Variants in SCLT1 observed in about 807,000 individuals in gnomAD.
SCLT1 encodes sodium channel-associated protein 1.
SCLT1 carries 78 observed loss-of-function variants against 112.8 expected under a neutral mutation model. The observed-to-expected ratio is 0.69, with a 90% CI of 0.58 to 0.83. SCLT1 has a LOEUF of 0.83. SCLT1 is among the 40% of genes least tolerant of loss of function. The pLI is 0.00. For synonymous variants in SCLT1, 257 were observed against 254.7 expected, an observed-to-expected ratio of 1.01 and a Z score of -0.09; for missense variants, 747 against 770.4, an observed-to-expected ratio of 0.97 and a Z score of 0.36.
chr4:129,016,803 CTTATAAGTTTTTCACAGATTCCAAT>C (rs1745032692), intron 5 of SCLT1, among the ~76,000 whole-genome samples: 1 of 152,106 alleles, frequency 6.6e-6, no homozygotes, highest in Admixed American at 6.6e-5. Context: ...TGGCCTTTGC[CTTATAAGTTTTTCACAGATTCCAAT>C]TTCTTTAAAC....
intron 9 of SCLT1, among the ~76,000 whole-genome samples, chr4:128,981,058 T>G (rs1478478022): frequency 6.6e-6 from 1 of 152,178 alleles, no homozygotes; most frequent in Non-Finnish European, 1.5e-5. Context: ...TCTAGTACTG[T>G]GCTAGATGAT....
At chr4:128,970,260 A>G (rs1740576321) in intron 10 of SCLT1, 118 bp downstream of exon 10, 1 of 658,656 alleles carries the variant, frequency 1.5e-6, no homozygotes, top group African/African-American at 1.8e-5. Context: ...TTTTAAGGGT[A>G]TTAAAATAAT....
At chr4:128,914,729 C>A (rs926630967) in intron 18 of SCLT1, among the ~76,000 whole-genome samples, 1 of 152,052 alleles carries the variant, frequency 6.6e-6, no homozygotes, top group Non-Finnish European at 1.5e-5. Context: ...ACATTTAGGT[C>A]ATTCTATGGA....
intron 17 of SCLT1, among the ~76,000 whole-genome samples, chr4:128,940,409 C>G (rs1318430716): frequency 6.6e-6 from 1 of 151,808 alleles, no homozygotes; most frequent in Non-Finnish European, 1.5e-5. Context: ...CAGATAATCC[C>G]TTCTAACTTC....
chr4:128,887,707 A>G (rs1732990621), intron 20 of SCLT1, among the ~76,000 whole-genome samples: 1 of 152,044 alleles, frequency 6.6e-6, no homozygotes, highest in Admixed American at 6.6e-5. Flanking sequence ...CATTTATATG[A>G]TGTGTGTGTA....
intron 9 of SCLT1, among the ~76,000 whole-genome samples, chr4:128,978,197 A>G (rs1368956328): frequency 6.6e-6 from 1 of 152,134 alleles, no homozygotes; most frequent in Non-Finnish European, 1.5e-5. Flanking sequence ...AAAGGAGTTT[A>G]CTGTCAAAAA....
At chr4:129,063,335 A>G (rs1750161701) in intron 2 of SCLT1, among the ~76,000 whole-genome samples, 1 of 152,222 alleles carries the variant, frequency 6.6e-6, no homozygotes, top group East Asian at 1.9e-4. Flanking sequence ...GACATTTTCA[A>G]TAGATGTACC....
chr4:129,026,463 T>G (rs1317099844), intron 5 of SCLT1, among the ~76,000 whole-genome samples: 2 of 151,920 alleles, frequency 1.3e-5, no homozygotes, highest in East Asian at 1.9e-4. Flanking sequence ...GGGTAAATAA[T>G]GAAATGAAGG....
chr4:129,020,701 T>C (rs975655222), intron 5 of SCLT1, among the ~76,000 whole-genome samples: 64 of 152,360 alleles, frequency 4.2e-4, no homozygotes, highest in African/African-American at 1.5e-3. Flanking sequence ...TCCACGTATA[T>C]ACTTATCATA....
chr4:128,955,563 A>G (rs1191776838), intron 13 of SCLT1, among the ~76,000 whole-genome samples: 1 of 152,216 alleles, frequency 6.6e-6, no homozygotes, highest in Non-Finnish European at 1.5e-5. Context: ...TACTTTAGTC[A>G]ATAGGAAGAG....
At chr4:128,949,740 T>C (rs35412182) in intron 14 of SCLT1, among the ~76,000 whole-genome samples, 8,050 of 152,208 alleles carry the variant, frequency 0.053, 246 homozygotes, top group African/African-American at 0.069. Flanking sequence ...TAGTATTCCA[T>C]GGTGTATATG....
At chr4:129,008,525 T>C (rs1157702429) in intron 5 of SCLT1, among the ~76,000 whole-genome samples, 3 of 152,224 alleles carry the variant, frequency 2.0e-5, no homozygotes, top group African/African-American at 4.8e-5. Context: ...TTTGCTACTT[T>C]TGAAATTTTT....
At chr4:128,894,423 G>T (rs929458831) in intron 18 of SCLT1, among the ~76,000 whole-genome samples, 1 of 150,648 alleles carries the variant, frequency 6.6e-6, no homozygotes, top group Non-Finnish European at 1.5e-5. Flanking sequence ...CAGAGTATAT[G>T]TGTGTGTGTA....
rs542974036 is a variant in SCLT1 at position 129,024,556 on chromosome 4, C to T, written c.290+14485G>A. 5.0e-3 allele frequency among the ~76,000 whole-genome samples: 764 copies of T among 152,200 alleles called. 6 individuals carry two copies. The highest frequency in any genetic ancestry group is 0.017 in the African/African-American group (718 of 41,532). ...CACCAAAAACCCATCTGTACATCAC[C>T]ATCATCAAAGACCAAAAGTAGATAA... On this transcript the variant is annotated intron_variant, in intron 5 of 20. Transcript: ENST00000281142.
chr4:128,949,217 GTTT>G lies in SCLT1; in HGVS notation c.1219-650_1219-648del, dbSNP rs77768210. 7.7e-3 allele frequency among the ~76,000 whole-genome samples: 776 copies of G among 100,712 alleles called. 2 individuals carry two copies. The highest frequency in any genetic ancestry group is 0.023 in the Admixed American group (234 of 10,208). 66.1% of individuals were successfully genotyped at this position (100,712 alleles called of 152,430 possible). A position where few individuals can be genotyped will look rare whatever the true frequency, so the allele number is the denominator to read the frequency against. On this transcript the variant is annotated intron_variant, in intron 14 of 20. Transcript: ENST00000281142. ...GGAGAATGGGTAATGTGTATGGCTT[GTTT>G]TTTTTTTTTTTTTTTCGTGAGACAG... is the stretch of plus-strand genomic sequence containing the variant.
intron 5 of SCLT1, among the ~76,000 whole-genome samples, chr4:129,010,569 T>C (rs1579688590): frequency 1.3e-5 from 2 of 152,200 alleles, no homozygotes; most frequent in East Asian, 1.9e-4. Flanking sequence ...TTTTCATTTG[T>C]TTGTGTAATC....
At chr4:129,071,531 T>C (rs753708757) in intron 2 of SCLT1, among the ~76,000 whole-genome samples, 4 of 152,226 alleles carry the variant, frequency 2.6e-5, no homozygotes, top group African/African-American at 4.8e-5. Context: ...CATCATATAA[T>C]GTCCCTCTTT....
Position 128,903,631 on chromosome 4 carries a change from C to T in SCLT1, c.1830-12494G>A, listed in dbSNP as rs74826242. Among the ~76,000 whole-genome samples the T allele has an allele frequency of 9.2e-3, 1,405 of 152,184 alleles. 8 individuals carry two copies. Among genetic ancestry groups the T allele is most frequent in the Non-Finnish European group, 0.014 (943 of 67,960 alleles). On this transcript the variant is annotated intron_variant, in intron 18 of 20. Coordinates refer to ENST00000281142, the MANE Select transcript of SCLT1 (RefSeq NM_144643.4). ...AAGTGGCTAAGAAAAGCTTATTTTT[C>T]ATTCAAGCATTTCTTTCAACCTTAC...
intron 2 of SCLT1, among the ~76,000 whole-genome samples, chr4:129,049,556 C>T (rs1218300920): frequency 3.4e-5 from 5 of 149,110 alleles, no homozygotes; most frequent in South Asian, 4.3e-4. Flanking sequence ...GTGCAGCACA[C>T]GAGCATGGCA....
Sources: gnomAD v4.1 joint callset for allele counts (sites outside exome capture counted in the v4.1 genomes callset) on GRCh38, gnomAD v4.1.1 for gene constraint, MANE v1.5 for transcripts, NCBI Gene and HGNC (gene_info 2026-07-23, HGNC 2026-07-21) for gene names.